Variants in NT5DC1 observed in about 807,000 individuals in gnomAD.
The protein encoded by NT5DC1 is 5'-nucleotidase domain containing 1.
Under a neutral mutation model 59.4 loss-of-function variants are expected in NT5DC1, and 42 were observed. The observed-to-expected ratio is 0.71, with a 90% confidence interval of 0.55 to 0.92. NT5DC1 has a LOEUF of 0.92. Among genes scored for constraint, NT5DC1 ranks in the 40% least tolerant of loss-of-function variants. The probability of loss-of-function intolerance (pLI) is 0.00; values close to 1 mark genes in which losing one functional copy is unlikely to be tolerated. For synonymous variants in NT5DC1, 172 were observed against 188.1 expected, an observed-to-expected ratio of 0.91 and a Z score of 0.70; for missense variants, 501 against 537.1, an observed-to-expected ratio of 0.93 and a Z score of 0.66.
intron 6 of NT5DC1, among the ~76,000 whole-genome samples, chr6:116,188,074 G>A (rs1226248283): frequency 6.6e-6 from 1 of 151,896 alleles, no homozygotes; most frequent in East Asian, 1.9e-4. Context: ...ACTCTAAATG[G>A]CCAATAAACA....
rs1771892674 is a variant in NT5DC1, at chr6:116,248,796, A to G, written c.*4772A>G. 6.6e-6 allele frequency: 1 copy of G among 152,260 alleles called. No homozygotes were observed. The highest frequency in any genetic ancestry group is 2.4e-5 in the African/African-American group (1 of 41,470). 9.4% of individuals were successfully genotyped at this position (152,260 alleles called of 1,614,324 possible). A position where few individuals can be genotyped will look rare whatever the true frequency, so the allele number is the denominator to read the frequency against. ...GGTCTAGAATTAAGGAAGGAAAAGC[A>G]ATACAAAGAAATGGAGCAGGGCTAT... On this transcript the variant is annotated 3_prime_UTR_variant, in exon 12 of 12. Coordinates refer to ENST00000319550, the MANE Select transcript of NT5DC1 (RefSeq NM_152729.3).
chr6:116,125,498 C>A, intron 6 of NT5DC1: 1 of 1,613,322 alleles, frequency 6.2e-7, no homozygotes, highest in South Asian at 1.1e-5. Context: ...AGCATATTCT[C>A]AGATGGATTC....
Position 116,244,235 on chromosome 6 carries a change from G to A in NT5DC1, c.*211G>A. ...GTATCCTAAAACTTAGAACCTTATT[G>A]ATATTTTCTATACAGTAGTTTTGTG... On this transcript the variant is annotated 3_prime_UTR_variant, in exon 12 of 12. Transcript: ENST00000319550. The A allele has an allele frequency of 2.7e-6, 1 of 370,844 alleles. No individual in the cohort carries two copies. 23.0% of individuals were successfully genotyped at this position (370,844 alleles called of 1,614,324 possible).
At chr6:116,207,124 A>G (rs1270410228) in intron 6 of NT5DC1, among the ~76,000 whole-genome samples, 1 of 151,972 alleles carries the variant, frequency 6.6e-6, no homozygotes, top group Non-Finnish European at 1.5e-5. Flanking sequence ...TGTTTTATTC[A>G]GATCCTCTGG....
chr6:116,204,014 G>A (rs1397714007), intron 6 of NT5DC1, among the ~76,000 whole-genome samples: 1 of 151,654 alleles, frequency 6.6e-6, no homozygotes, highest in Non-Finnish European at 1.5e-5. Context: ...GCTCTCCATA[G>A]ACCCGCTGAA....
At position 116,192,065 on chromosome 6, in the gene NT5DC1, G is replaced by T. The variant is rs115960885; in HGVS notation, c.530-28989G>T. Among the ~76,000 whole-genome samples the T allele has an allele frequency of 5.8e-3, 889 of 152,098 alleles. 4 individuals carry two copies. The highest frequency in any genetic ancestry group is 0.02 in the African/African-American group (851 of 41,528). ...TAGCCCATTACTTAGGTGAAACTTG[G>T]TAATCATTAATATCATGATTAAGAA... On this transcript the variant is annotated intron_variant, in intron 6 of 11. Coordinates refer to ENST00000319550, the MANE Select transcript of NT5DC1 (RefSeq NM_152729.3).
At chr6:116,140,948 G>A (rs1014587661) in intron 6 of NT5DC1, among the ~76,000 whole-genome samples, 1 of 152,104 alleles carries the variant, frequency 6.6e-6, no homozygotes, top group Non-Finnish European at 1.5e-5. Context: ...CTGGCTGCAT[G>A]CAAAAGAATC....
chr6:116,157,788 C>G (rs4946141), intron 6 of NT5DC1, among the ~76,000 whole-genome samples: 31,984 of 152,068 alleles, frequency 0.21, 3,516 homozygotes, highest in East Asian at 0.27. Flanking sequence ...ACGGGGAAAT[C>G]AAAAACTGAT....
chr6:116,229,264 G>A (rs1387057062), intron 8 of NT5DC1, among the ~76,000 whole-genome samples: 1 of 151,988 alleles, frequency 6.6e-6, no homozygotes, highest in Non-Finnish European at 1.5e-5. Context: ...GTTTTCTCAG[G>A]TTTGTCCTCA....
chr6:116,153,453 A>T (rs891199323), intron 6 of NT5DC1, among the ~76,000 whole-genome samples: 2 of 152,030 alleles, frequency 1.3e-5, no homozygotes, highest in African/African-American at 4.8e-5. Flanking sequence ...TCTCTATTCC[A>T]CTGGAGTTCA....
intron 6 of NT5DC1, among the ~76,000 whole-genome samples, chr6:116,163,116 G>A (rs1161182416): frequency 1.9e-5 from 2 of 104,340 alleles, no homozygotes; most frequent in African/African-American, 1.0e-4. Flanking sequence ...GACACAGCGA[G>A]ACTCCGTCTC....
Position 116,249,465 on chromosome 6 carries a change from A to G in NT5DC1, c.*5441A>G, listed in dbSNP as rs950158721. On this transcript the variant is annotated 3_prime_UTR_variant, in exon 12 of 12. Coordinates refer to ENST00000319550, the MANE Select transcript of NT5DC1 (RefSeq NM_152729.3). ...GTAATTGCTGCTATACAGCAAAACTATCATTACCGGTAATTAAAGTTGTGA... is the reference window on the plus strand; with the variant it reads ...GTAATTGCTGCTATACAGCAAAACTGTCATTACCGGTAATTAAAGTTGTGA... 2 of 152,358 alleles carry G rather than the reference A, an allele frequency of 1.3e-5. No individual in the cohort carries two copies. The highest frequency in any genetic ancestry group is 1.9e-4 in the East Asian group (1 of 5,190). The allele number at this position is 152,358 out of a possible 1,614,324, so 9.4% of individuals were successfully genotyped here.
In NT5DC1 at chr6:116,223,029, T is replaced by C; in HGVS notation, c.705-5T>C. The C allele has an allele frequency of 6.6e-7, 1 of 1,522,450 alleles. No homozygotes were observed. Among genetic ancestry groups the C allele is most frequent in the Non-Finnish European group, 9.1e-7 (1 of 1,101,350 alleles). 94.3% of individuals were successfully genotyped at this position (1,522,450 alleles called of 1,614,324 possible). ...TAAACTTATGAAAAATTGTGTTGCT[T>C]TTAGGAATGATTTTACAGACCTTTT... On this transcript the variant is annotated splice_region_variant and splice_polypyrimidine_tract_variant and intron_variant, in intron 7 of 11. Coordinates refer to ENST00000319550, the MANE Select transcript of NT5DC1 (RefSeq NM_152729.3).
chr6:116,193,957 G>C (rs1319913251), intron 6 of NT5DC1, among the ~76,000 whole-genome samples: 1 of 151,990 alleles, frequency 6.6e-6, no homozygotes, highest in African/African-American at 2.4e-5. Context: ...CCAGCTACTA[G>C]GTTGGCTGAG....
chr6:116,164,155 T>A (rs1198933779), intron 6 of NT5DC1, among the ~76,000 whole-genome samples: 2 of 152,342 alleles, frequency 1.3e-5, no homozygotes, highest in East Asian at 3.9e-4. Context: ...GTTTTCTCCT[T>A]CAGTGATCTG....
At chr6:116,117,309 G>C (rs1235153167) in intron 5 of NT5DC1, among the ~76,000 whole-genome samples, 2 of 152,104 alleles carry the variant, frequency 1.3e-5, no homozygotes, top group Non-Finnish European at 2.9e-5. Context: ...TGATATGTAT[G>C]TGTATATGTA....
At chr6:116,178,399 A>T (rs899123173) in intron 6 of NT5DC1, among the ~76,000 whole-genome samples, 3 of 152,204 alleles carry the variant, frequency 2.0e-5, no homozygotes, top group Admixed American at 2.0e-4. Context: ...TAAAGGCGAT[A>T]GAAAGAATCT....
chr6:116,234,397 G>A (rs181038473), intron 8 of NT5DC1, among the ~76,000 whole-genome samples: 11 of 152,180 alleles, frequency 7.2e-5, no homozygotes, highest in African/African-American at 2.6e-4. Flanking sequence ...GGGGAGTGTG[G>A]TGACATGATC....
At chr6:116,178,110 CGTGTGTGTGTGT>C (rs368898636) in intron 6 of NT5DC1, among the ~76,000 whole-genome samples, 4 of 117,446 alleles carry the variant, frequency 3.4e-5, no homozygotes, top group Non-Finnish European at 5.6e-5. Flanking sequence ...CGCGTGCGTG[CGTGTGTGTGTGT>C]GTGTGTGTGT....
Sources: allele counts gnomAD v4.1 joint callset (sites outside exome capture counted in the v4.1 genomes callset), GRCh38; gene constraint gnomAD v4.1.1; transcripts MANE v1.5; gene names NCBI Gene and HGNC (gene_info 2026-07-23, HGNC 2026-07-21).